DCDC2: variants seen among roughly 807,000 people sequenced by gnomAD.
The protein encoded by DCDC2 is doublecortin domain-containing protein 2.
A neutral mutation model predicts 50.2 loss-of-function variants in DCDC2; 40 were observed. The ratio of observed to expected loss-of-function variants is 0.80; its 90% CI spans 0.62 to 1.04. The LOEUF (loss-of-function observed/expected upper bound fraction) is 1.04, where lower values mean the gene tolerates loss of function less well. DCDC2 is among the 50% of genes least tolerant of loss of function. The pLI is 0.00. For synonymous variants in DCDC2, 234 were observed against 210.6 expected (o/e 1.11, Z -0.96); for missense variants, 570 against 581.9 (o/e 0.98, Z 0.21).
At chr6:24,322,463 C>A (rs751083606) in intron 2 of DCDC2, among the ~76,000 whole-genome samples, 4 of 150,722 alleles carry the variant, frequency 2.7e-5, no homozygotes, top group Non-Finnish European at 4.4e-5. Context: ...ACATTCTATA[C>A]GAATCTCCTT....
At chr6:24,208,161 A>C (rs932102736) in intron 7 of DCDC2, among the ~76,000 whole-genome samples, 4 of 151,982 alleles carry the variant, frequency 2.6e-5, no homozygotes, top group Non-Finnish European at 5.9e-5. Context: ...CAGGTCACGG[A>C]CCCGCTATGC....
At chr6:24,226,285 T>C (rs561456067) in intron 7 of DCDC2, among the ~76,000 whole-genome samples, 7 of 152,296 alleles carry the variant, frequency 4.6e-5, no homozygotes, top group Non-Finnish European at 8.8e-5. Context: ...ATAATTTACA[T>C]AATAGATGCC....
chr6:24,241,600 A>C (rs920193524), intron 7 of DCDC2, among the ~76,000 whole-genome samples: 1 of 152,232 alleles, frequency 6.6e-6, no homozygotes, highest in Non-Finnish European at 1.5e-5. Flanking sequence ...GTTGAAAAAA[A>C]CCACTATTTT....
At chr6:24,378,807 T>C in the DCDC2 span, among the ~76,000 whole-genome samples, 1 of 152,060 alleles carries the variant, frequency 6.6e-6, no homozygotes, top group East Asian at 1.9e-4. Context: ...CCAACCTTGC[T>C]ACAGGGCACA....
intron 7 of DCDC2, among the ~76,000 whole-genome samples, chr6:24,252,035 C>T (rs1762804300): frequency 6.6e-6 from 1 of 152,188 alleles, no homozygotes; most frequent in African/African-American, 2.4e-5. Context: ...CAGGCCACTA[C>T]AGCTTTGCAC....
At chr6:24,211,051 T>C (rs1012694626) in intron 7 of DCDC2, among the ~76,000 whole-genome samples, 2 of 152,218 alleles carry the variant, frequency 1.3e-5, no homozygotes, top group Admixed American at 6.5e-5. Context: ...CATTCATTCA[T>C]AGTGCCCTGG....
chr6:24,180,982 T>A (rs1761059658), intron 8 of DCDC2, among the ~76,000 whole-genome samples: 1 of 152,206 alleles, frequency 6.6e-6, no homozygotes, highest in Non-Finnish European at 1.5e-5. Flanking sequence ...CAAATGTGTA[T>A]TTTTTAAATG....
chr6:24,346,941 GATA>G (rs1760268391), intron 2 of DCDC2, among the ~76,000 whole-genome samples: 1 of 152,060 alleles, frequency 6.6e-6, no homozygotes, highest in Non-Finnish European at 1.5e-5. Context: ...GTGGGCATGA[GATA>G]ATAATACCTG....
At chr6:24,235,376 T>G (rs1280184160) in intron 7 of DCDC2, among the ~76,000 whole-genome samples, 1 of 152,150 alleles carries the variant, frequency 6.6e-6, no homozygotes, top group African/African-American at 2.4e-5. Flanking sequence ...AGGAAAGGGT[T>G]CCATAGATGT....
chr6:24,290,142 C>T (rs963120719), intron 5 of DCDC2, among the ~76,000 whole-genome samples: 3 of 150,412 alleles, frequency 2.0e-5, no homozygotes, highest in African/African-American at 7.3e-5. Context: ...TACAGGCGCC[C>T]GCCACTACGC....
intron 8 of DCDC2, among the ~76,000 whole-genome samples, chr6:24,185,315 C>T (rs547688019): frequency 6.6e-6 from 1 of 152,228 alleles, no homozygotes; most frequent in Admixed American, 6.5e-5. Flanking sequence ...TTAGACTTTC[C>T]CGGCACAGCT....
chr6:24,261,322 T>A (rs1358562354), intron 7 of DCDC2, among the ~76,000 whole-genome samples: 3 of 151,728 alleles, frequency 2.0e-5, no homozygotes, highest in African/African-American at 7.3e-5. Context: ...GGTTTGTAAC[T>A]TCTTAGCCCA....
chr6:24,366,401 G>C, the DCDC2 span, among the ~76,000 whole-genome samples: 2,131 of 152,270 alleles, frequency 0.014, 43 homozygotes, highest in African/African-American at 0.045. Context: ...CAGTTTACTA[G>C]AATGAGACCT....
At chr6:24,335,217 G>C (rs1265016350) in intron 2 of DCDC2, among the ~76,000 whole-genome samples, 1 of 152,140 alleles carries the variant, frequency 6.6e-6, no homozygotes, top group Non-Finnish European at 1.5e-5. Flanking sequence ...TAACTGCTTT[G>C]AGTCTTCCTC....
At chr6:24,182,629 GAAAAAA>G (rs71002473) in intron 8 of DCDC2, among the ~76,000 whole-genome samples, 6 of 105,942 alleles carry the variant, frequency 5.7e-5, no homozygotes, top group African/African-American at 2.1e-4. Flanking sequence ...ATGATGACAA[GAAAAAA>G]AAAAAAAAAC....
At chr6:24,366,743 A>G in the DCDC2 span, among the ~76,000 whole-genome samples, 3 of 152,196 alleles carry the variant, frequency 2.0e-5, no homozygotes, top group African/African-American at 7.2e-5. Context: ...TTTAAAGAGA[A>G]TATTGGTAGA....
chr6:24,297,110 C>T (rs1338197586), intron 4 of DCDC2, among the ~76,000 whole-genome samples: 1 of 151,816 alleles, frequency 6.6e-6, no homozygotes. Flanking sequence ...GGTACATATA[C>T]ACCATGGAAT....
At chr6:24,320,988 C>T (rs908529350) in intron 2 of DCDC2, among the ~76,000 whole-genome samples, 4 of 149,820 alleles carry the variant, frequency 2.7e-5, no homozygotes, top group African/African-American at 4.9e-5. Flanking sequence ...CAGGGCCATA[C>T]TGGAAAGACA....
intron 1 of DCDC2, among the ~76,000 whole-genome samples, chr6:24,355,529 C>A (rs1215326925): frequency 6.6e-6 from 1 of 152,056 alleles, no homozygotes; most frequent in Non-Finnish European, 1.5e-5. Flanking sequence ...TTATCACAGC[C>A]CTGTGTGGTA....
Sources: gnomAD v4.1 joint callset for allele counts (sites outside exome capture counted in the v4.1 genomes callset) on GRCh38, gnomAD v4.1.1 for gene constraint, MANE v1.5 for transcripts, NCBI Gene and HGNC (gene_info 2026-07-23, HGNC 2026-07-21) for gene names.